Variants in ASS1 observed in about 807,000 individuals in gnomAD.
ASS1 encodes argininosuccinate synthase.
ASS1 carries 58 observed loss-of-function variants against 60.5 expected under a neutral mutation model. That is an observed-to-expected ratio of 0.96 (90% CI 0.78 to 1.19). ASS1 has a LOEUF of 1.19. Among genes scored for constraint, ASS1 ranks in the 50% most tolerant of loss-of-function variants. The probability of loss-of-function intolerance (pLI) is 0.00; values close to 1 mark genes in which losing one functional copy is unlikely to be tolerated. For missense variants in ASS1, 454 were observed against 547.3 expected, an observed-to-expected ratio of 0.83 and a Z score of 1.70; for synonymous variants, 200 against 206.9, an observed-to-expected ratio of 0.97 and a Z score of 0.29.
intron 13 of ASS1, among the ~76,000 whole-genome samples, chr9:130,498,007 TGG>T (rs2118889998): frequency 6.6e-6 from 1 of 152,002 alleles, no homozygotes; most frequent in East Asian, 1.9e-4. Flanking sequence ...CGTGGAGGTG[TGG>T]AGGAGGGAGG....
chr9:130,486,404 C>T (rs535253456), intron 11 of ASS1, among the ~76,000 whole-genome samples: 1 of 152,272 alleles, frequency 6.6e-6, no homozygotes, highest in Non-Finnish European at 1.5e-5. Context: ...GTGCTAAGTT[C>T]TATGTCCCTG....
chr9:130,450,999 C>T (rs1048283638), intron 1 of ASS1, among the ~76,000 whole-genome samples: 1 of 152,200 alleles, frequency 6.6e-6, no homozygotes, highest in Non-Finnish European at 1.5e-5. Flanking sequence ...GGGCCCACAT[C>T]TGCCCCTGCT....
chr9:130,446,251 G>A (rs1845192613), intron 1 of ASS1, among the ~76,000 whole-genome samples: 1 of 152,196 alleles, frequency 6.6e-6, no homozygotes, highest in African/African-American at 2.4e-5. Flanking sequence ...AGACTGTTGG[G>A]TGCTGGGCCT....
chr9:130,466,201 G>A (rs751755936), intron 5 of ASS1, among the ~76,000 whole-genome samples: 1 of 152,184 alleles, frequency 6.6e-6, no homozygotes, highest in Non-Finnish European at 1.5e-5. Context: ...TCAGGCCGAG[G>A]GGCTCAAGGG....
At chr9:130,487,469 C>G (rs528840838) in intron 11 of ASS1, among the ~76,000 whole-genome samples, 3 of 151,510 alleles carry the variant, frequency 2.0e-5, no homozygotes, top group Non-Finnish European at 4.4e-5. Flanking sequence ...TTTTAAAATG[C>G]GTAAGCGTGC....
At chr9:130,471,427 G>T (rs1291466648) in intron 7 of ASS1, 58 bp from the exon 8 acceptor site, 38 of 1,591,560 alleles carry the variant, frequency 2.4e-5, no homozygotes, top group East Asian at 4.5e-5. Flanking sequence ...TGTGTTGGGG[G>T]ATGGGGACAT....
rs1459712127 is a variant in ASS1, at chr9:130,489,577, G to T, written c.970+113G>T. 1 of 1,534,628 alleles carries T rather than the reference G, an allele frequency of 6.5e-7. No individual in the cohort carries two copies. The highest frequency in any genetic ancestry group is 9.0e-7 in the Non-Finnish European group (1 of 1,117,004). The stretch of plus-strand genomic sequence containing the variant: ...CGTATCAGCACCTTCCTCCCCTGCC[G>T]CCCACTGCCATCCTCATGTGAGACC... On this transcript the variant is annotated intron_variant, in intron 12 of 14. Transcript: ENST00000352480. This position sits in a 1 kb window ranked among gnomAD's most constrained non-coding sequence, Gnocchi z 4.1.
Position 130,490,900 on chromosome 9 carries a change from A to G in ASS1, c.970+1436A>G, listed in dbSNP as rs115572944. On this transcript the variant is annotated intron_variant, in intron 12 of 14. Transcript: ENST00000352480. ...GGCGTTACATTAAACAGCTGCCCTG[A>G]GCTGTGGGAGGACAGGCTGCTGCCT... Among the ~76,000 whole-genome samples, 1,366 of 152,246 alleles carry G rather than the reference A, an allele frequency of 9.0e-3. 24 individuals are homozygous for G. Among genetic ancestry groups the G allele is most frequent in the African/African-American group, 0.031 (1,287 of 41,536 alleles).
At chr9:130,460,055 A>C (rs1383347954) in intron 4 of ASS1, among the ~76,000 whole-genome samples, 2 of 152,224 alleles carry the variant, frequency 1.3e-5, no homozygotes, top group Non-Finnish European at 2.9e-5. Context: ...ACAGGAATTG[A>C]CTGTTTACCA....
intron 1 of ASS1, 168 bp from the exon 2 acceptor site, chr9:130,452,056 G>A (rs757576897): frequency 7.4e-5 from 52 of 704,010 alleles, no homozygotes; most frequent in African/African-American, 5.6e-4. Flanking sequence ...CAGGGTTCCC[G>A]GGGGTGGCAG....
At position 130,480,605 on chromosome 9, in the gene ASS1, C is replaced by G. The variant is rs1028544825; in HGVS notation, c.838+156C>G. Among the ~76,000 whole-genome samples, 19 of 152,262 alleles carry G rather than the reference C, an allele frequency of 1.2e-4. 1 individual carries two copies. Among genetic ancestry groups the G allele is most frequent in the Non-Finnish European group, 1.6e-4 (11 of 68,044 alleles). On this transcript the variant is annotated intron_variant, in intron 11 of 14. Coordinates refer to ENST00000352480, the MANE Select transcript of ASS1 (RefSeq NM_054012.4). ...CACCCCGTGAGACCGCAGTTTCCCT[C>G]CTGCCAAGTGGGGATCGTGGGCCCT... is the stretch of plus-strand genomic sequence containing the variant.
chr9:130,481,651 G>C (rs561601273), intron 11 of ASS1, among the ~76,000 whole-genome samples: 1 of 152,234 alleles, frequency 6.6e-6, no homozygotes, highest in Non-Finnish European at 1.5e-5. Flanking sequence ...GTTTCCCCAA[G>C]TGTAATGCGG....
In ASS1 at chr9:130,466,797, A is replaced by G; in HGVS notation, c.493A>G (p.Lys165Glu). ...KGRNDLMEYA[K>E]QHGIPIPVTP... ...CCGCAATGACCTGATGGAGTACGCA[A>G]AGGTATGGCCGAGTCTCCCCACCAC... The change falls in exon 6 of 15, where the codon AAG becomes GAG. Residue 165 changes from lysine to glutamate, a missense_variant and splice_region_variant. By Grantham distance (56) the Lys-to-Glu change is moderately conservative. Transcript: ENST00000352480. 6.2e-7 allele frequency: 1 copy of G among 1,613,978 alleles called. No individual in the cohort carries two copies. The highest frequency in any genetic ancestry group is 8.5e-7 in the Non-Finnish European group (1 of 1,179,942).
chr9:130,458,318 G>A, intron 3 of ASS1, 83 bp from the exon 4 acceptor site: 1 of 1,564,014 alleles, frequency 6.4e-7, no homozygotes, highest in Non-Finnish European at 8.8e-7. Context: ...ATAGGTCTCA[G>A]CTAGCTGAGG....
At position 130,471,575 on chromosome 9, in the gene ASS1, C is replaced by T. The variant is rs140368861; in HGVS notation, c.597+60C>T. 729 of 1,552,968 alleles carry T rather than the reference C, an allele frequency of 4.7e-4. 13 individuals are homozygous for T. The East Asian group carries it at 0.013, about 28-fold the overall frequency. On this transcript the variant is annotated intron_variant, in intron 8 of 14. Coordinates refer to ENST00000352480, the MANE Select transcript of ASS1 (RefSeq NM_054012.4). ...CACCTTTGGTGGTAGCAGCTCCATG[C>T]CGATGCTGTCTGATGTATTTATAGC...
chr9:130,474,021 C>T (rs1482608191), intron 8 of ASS1, among the ~76,000 whole-genome samples: 4 of 94,336 alleles, frequency 4.2e-5, no homozygotes, highest in Non-Finnish European at 8.8e-5. Context: ...CCCACCCCGA[C>T]TCTCTCTCTC....
At chr9:130,479,829 T>G in intron 10 of ASS1, 29 bp downstream of exon 10, 8 of 1,603,168 alleles carry the variant, frequency 5.0e-6, no homozygotes, top group Non-Finnish European at 6.8e-6. Context: ...GTCCGGCCTC[T>G]TGGGAACCGC....
At chr9:130,496,551 G>A (rs544471438) in intron 13 of ASS1, among the ~76,000 whole-genome samples, 157 of 145,774 alleles carry the variant, frequency 1.1e-3, no homozygotes, top group African/African-American at 2.9e-3. Flanking sequence ...GGATTGCACC[G>A]CTGCACTCTA....
Position 130,459,471 on chromosome 9 carries a change from G to A in ASS1, c.363+882G>A, listed in dbSNP as rs910572161. ...GAGAGGGACAAAGTCTCACTCTGAC[G>A]CCCAGGCTGGAGTGCAGTGGCTCGA... is the stretch of plus-strand genomic sequence containing the variant. On this transcript the variant is annotated intron_variant, in intron 4 of 14. Coordinates refer to ENST00000352480, the MANE Select transcript of ASS1 (RefSeq NM_054012.4). This position sits in a 1 kb window ranked among gnomAD's most constrained non-coding sequence, Gnocchi z 4.6. Among the ~76,000 whole-genome samples, 7 of 151,870 alleles carry A rather than the reference G, an allele frequency of 4.6e-5. No homozygotes were observed. The highest frequency in any genetic ancestry group is 1.3e-4 in the Admixed American group (2 of 15,256).
Sources: allele counts gnomAD v4.1 joint callset (sites outside exome capture counted in the v4.1 genomes callset), GRCh38; gene constraint gnomAD v4.1.1; non-coding constraint Gnocchi (gnomAD v3.1); transcripts MANE v1.5; gene names NCBI Gene and HGNC (gene_info 2026-07-23, HGNC 2026-07-21).